The following FOXP1 variants were observed in gnomAD, a reference collection of about 807,000 sequenced individuals.
The protein encoded by FOXP1 is forkhead box P1, also known as forkhead box protein P1.
In FOXP1, 15 loss-of-function variants were observed where a neutral mutation model predicts 98.2. The ratio of observed to expected loss-of-function variants is 0.15; its 90% CI spans 0.10 to 0.24. The LOEUF (loss-of-function observed/expected upper bound fraction) is 0.24, where lower values mean the gene tolerates loss of function less well. FOXP1 is among the 10% of genes least tolerant of loss of function. The pLI is 1.00. For synonymous variants in FOXP1, 371 were observed against 314.5 expected, an observed-to-expected ratio of 1.18 and a Z score of -1.90; for missense variants, 633 against 848.5, an observed-to-expected ratio of 0.75 and a Z score of 3.15.
At chr3:71,331,872 T>C (rs2076339195) in intron 4 of FOXP1, among the ~76,000 whole-genome samples, 1 of 116,008 alleles carries the variant, frequency 8.6e-6, no homozygotes, top group Non-Finnish European at 2.0e-5. Context: ...ATCAACACTC[T>C]GTATCTAGCT....
chr3:71,498,988 G>A (rs143430717), intron 2 of FOXP1, among the ~76,000 whole-genome samples: 46 of 152,286 alleles, frequency 3.0e-4, no homozygotes, highest in Admixed American at 1.2e-3. Flanking sequence ...TTACCTGGTT[G>A]AGTTATGGCA....
chr3:70,993,824 T>A (rs1239870087), intron 13 of FOXP1, among the ~76,000 whole-genome samples: 1 of 151,862 alleles, frequency 6.6e-6, no homozygotes, highest in Non-Finnish European at 1.5e-5. Context: ...ATGAAACCTG[T>A]CTCTACTAAA....
chr3:71,582,734 C>A, intron 1 of FOXP1: 8 of 985,158 alleles, frequency 8.1e-6, no homozygotes, highest in Non-Finnish European at 9.6e-6. Flanking sequence ...GGACTCGTCT[C>A]GGGAAAGCGG....
intron 7 of FOXP1, among the ~76,000 whole-genome samples, chr3:71,110,634 A>G (rs561226116): frequency 6.6e-6 from 1 of 152,238 alleles, no homozygotes; most frequent in Non-Finnish European, 1.5e-5. Context: ...ATATGTACCA[A>G]CAATTGGCTA....
rs919463649 is a variant in FOXP1, at chr3:71,300,612, G to C, written c.-72-732C>G. Among the ~76,000 whole-genome samples the C allele has an allele frequency of 6.6e-5, 10 of 152,150 alleles. No individual in the cohort carries two copies. The East Asian group carries it at 1.9e-3, about 29-fold the overall frequency. On this transcript the variant is annotated intron_variant, in intron 4 of 20. Coordinates refer to ENST00000649528, the MANE Select transcript of FOXP1 (RefSeq NM_001349338.3). ...TGCAAAACAGTGTTTAATCCTTTAA[G>C]AAACATTACAAGCTGCCTCTTTCTG...
intron 7 of FOXP1, among the ~76,000 whole-genome samples, chr3:71,110,671 C>T (rs940494206): frequency 7.2e-5 from 11 of 152,176 alleles, no homozygotes; most frequent in Non-Finnish European, 1.2e-4. Context: ...ATGTGGCCTC[C>T]GCTGCTGACC....
At chr3:71,490,675 AT>A (rs1017276162) in intron 3 of FOXP1, among the ~76,000 whole-genome samples, 1 of 152,032 alleles carries the variant, frequency 6.6e-6, no homozygotes, top group Admixed American at 6.6e-5. Context: ...CTAAAAGAAC[AT>A]TTTTTTCAAA....
chr3:71,255,055 G>A (rs188063056), intron 5 of FOXP1, among the ~76,000 whole-genome samples: 1 of 152,228 alleles, frequency 6.6e-6, no homozygotes, highest in Admixed American at 6.5e-5. Flanking sequence ...CCTAATAAAT[G>A]CACTTGAAAG....
At chr3:71,504,187 C>A (rs1241512560) in intron 2 of FOXP1, among the ~76,000 whole-genome samples, 1 of 151,978 alleles carries the variant, frequency 6.6e-6, no homozygotes, top group Non-Finnish European at 1.5e-5. Context: ...TCGAAAAAAA[C>A]ACTTTGGGGG....
At chr3:71,583,379 G>A (rs2048344764) in intron 1 of FOXP1, 192 bp downstream of exon 1, 2 of 841,094 alleles carry the variant, frequency 2.4e-6, no homozygotes, top group African/African-American at 3.7e-5. Flanking sequence ...GGAAGAGAGG[G>A]GAGGGCTGGG....
chr3:71,475,141 C>T (rs1182018202), intron 3 of FOXP1, among the ~76,000 whole-genome samples: 2 of 152,066 alleles, frequency 1.3e-5, no homozygotes, highest in Non-Finnish European at 2.9e-5. Context: ...CTCACCTTCC[C>T]CCCTGCTTCT....
chr3:71,288,000 C>T (rs904187207), intron 5 of FOXP1, among the ~76,000 whole-genome samples: 2 of 151,810 alleles, frequency 1.3e-5, no homozygotes, highest in African/African-American at 4.8e-5. Context: ...CCTGCCTCAG[C>T]CTCCTGAGTA....
At chr3:70,994,379 G>C (rs576323029) in intron 13 of FOXP1, among the ~76,000 whole-genome samples, 2 of 152,056 alleles carry the variant, frequency 1.3e-5, no homozygotes, top group Admixed American at 6.6e-5. Flanking sequence ...ACCCTATTTC[G>C]TGTTAAACAG....
intron 5 of FOXP1, 40 bp from the exon 6 acceptor site, chr3:71,198,432 G>GGGGGGGGGGGGGA: frequency 4.1e-6 from 2 of 491,026 alleles, no homozygotes; most frequent in East Asian, 5.7e-5. Context: ...GGGAGGGGGG[G>GGGGGGGGGGGGGA]AGAAAAAAAA....
At chr3:71,498,645 A>G (rs1235337238) in intron 2 of FOXP1, among the ~76,000 whole-genome samples, 1 of 152,172 alleles carries the variant, frequency 6.6e-6, no homozygotes, top group Admixed American at 6.5e-5. Flanking sequence ...AACAGACAAC[A>G]TGCTCATCAC....
intron 4 of FOXP1, among the ~76,000 whole-genome samples, chr3:71,302,030 G>A (rs1175589433): frequency 6.6e-6 from 1 of 152,130 alleles, no homozygotes; most frequent in Non-Finnish European, 1.5e-5. Context: ...ATAAAAAATG[G>A]GCAGTGGGAT....
intron 14 of FOXP1, among the ~76,000 whole-genome samples, chr3:70,982,588 G>C (rs1053917174): frequency 6.6e-6 from 1 of 152,054 alleles, no homozygotes; most frequent in African/African-American, 2.4e-5. Flanking sequence ...TAAAATTGCT[G>C]TAGGGTTTTA....
chr3:71,479,643 T>C (rs1177582428), intron 3 of FOXP1, among the ~76,000 whole-genome samples: 1 of 144,166 alleles, frequency 6.9e-6, no homozygotes, highest in Non-Finnish European at 1.5e-5. Flanking sequence ...CACACCATTG[T>C]GCTCCAGCCT....
chr3:71,400,559 T>C (rs1379513581), intron 3 of FOXP1, among the ~76,000 whole-genome samples: 1 of 152,172 alleles, frequency 6.6e-6, no homozygotes, highest in Admixed American at 6.5e-5. Context: ...TGTTTCACCA[T>C]GTTGGCCAGG....
Sources: gnomAD v4.1 joint callset for allele counts (sites outside exome capture counted in the v4.1 genomes callset) on GRCh38, gnomAD v4.1.1 for gene constraint, MANE v1.5 for transcripts, NCBI Gene and HGNC (gene_info 2026-07-23, HGNC 2026-07-21) for gene names.